The following ATP2B2 variants were observed in gnomAD, a reference collection of about 807,000 sequenced individuals.
ATP2B2 encodes plasma membrane calcium-transporting ATPase 2.
Under a neutral mutation model 120.0 loss-of-function variants are expected in ATP2B2, and 15 were observed. The observed-to-expected ratio is 0.12, with a 90% CI of 0.08 to 0.19. The LOEUF is 0.19. Among genes scored for constraint, ATP2B2 ranks in the 10% least tolerant of loss-of-function variants. ATP2B2 has a pLI of 1.00. For missense variants in ATP2B2, 1,045 were observed against 1,719.8 expected (o/e 0.61, Z 6.94); for synonymous variants, 694 against 700.3 (o/e 0.99, Z 0.14).
chr3:10,333,630 A>T (rs11915910), intron 22 of ATP2B2, among the ~76,000 whole-genome samples: 4 of 152,214 alleles, frequency 2.6e-5, no homozygotes, highest in South Asian at 2.1e-4. Context: ...GGGTTTGGTC[A>T]GGCTCTTTTT....
At chr3:10,705,707 T>A (rs1454020504) in intron 1 of ATP2B2, among the ~76,000 whole-genome samples, 2 of 152,206 alleles carry the variant, frequency 1.3e-5, no homozygotes, top group Non-Finnish European at 2.9e-5. Context: ...TTAAATCAGA[T>A]GAAACCCCAA....
In ATP2B2 at chr3:10,701,453, C is replaced by G. The variant is rs557394310; in HGVS notation, c.-460+6462G>C. On this transcript the variant is annotated intron_variant, in intron 1 of 21. Coordinates refer to the ATP2B2 transcript ENST00000646379. Reference sequence around the variant, plus strand: ...CCATGAGTTTCTGAGAAACACTGAACAGCAATCACTTAGGCAAGGTGGCCT... The same window carrying G: ...CCATGAGTTTCTGAGAAACACTGAAGAGCAATCACTTAGGCAAGGTGGCCT... Among the ~76,000 whole-genome samples the G allele has an allele frequency of 8.5e-5, 13 of 152,286 alleles. No homozygotes were observed. In the South Asian group the frequency reaches 2.7e-3, roughly 32 times the overall value.
chr3:10,566,932 GA>G (rs945395979), intron 2 of ATP2B2, among the ~76,000 whole-genome samples: 3 of 152,148 alleles, frequency 2.0e-5, no homozygotes, highest in African/African-American at 7.2e-5. Flanking sequence ...GTACAAACAG[GA>G]TTTCCACTGA....
Position 10,375,589 on chromosome 3 carries a change from G to A in ATP2B2, c.1257C>T (p.Asp419=). 6.2e-7 allele frequency: 1 copy of A among 1,613,820 alleles called. No individual in the cohort carries two copies. The highest frequency in any genetic ancestry group is 8.5e-7 in the Non-Finnish European group (1 of 1,180,050). ...ACGGCTTCTTGTTGACCACGAAGGTGTCCACAGTGAAGTAGAGCACCAGGA... is the reference window on the plus strand; with the variant it reads ...ACGGCTTCTTGTTGACCACGAAGGTATCCACAGTGAAGTAGAGCACCAGGA... ...VIILVLYFTV[D]TFVVNKKPWL... The change falls in exon 11 of 23, where the codon GAC becomes GAT. Residue 419 remains aspartate (D), a synonymous_variant. Coordinates refer to ENST00000360273, the MANE Select transcript of ATP2B2 (RefSeq NM_001001331.4). This position sits in a 1 kb window ranked among gnomAD's most constrained non-coding sequence, Gnocchi z 4.2.
At chr3:10,551,154 C>T (rs1338883927) in intron 2 of ATP2B2, among the ~76,000 whole-genome samples, 1 of 152,230 alleles carries the variant, frequency 6.6e-6, no homozygotes, top group Non-Finnish European at 1.5e-5. Flanking sequence ...CAAATAACTA[C>T]ACGTATTTTC....
At chr3:10,424,620 T>C (rs1016133729) in intron 2 of ATP2B2, among the ~76,000 whole-genome samples, 1 of 152,204 alleles carries the variant, frequency 6.6e-6, no homozygotes, top group South Asian at 2.1e-4. Flanking sequence ...AAAAGCTACA[T>C]CATTTATAGA....
At chr3:10,350,694 G>A (rs2060555496) in intron 14 of ATP2B2, 117 bp from the exon 15 acceptor site, 1 of 1,101,258 alleles carries the variant, frequency 9.1e-7, no homozygotes, top group Non-Finnish European at 1.3e-6. Context: ...GGGACTAGAT[G>A]ACTATGAGAT....
At chr3:10,583,259 C>T (rs534416085) in intron 2 of ATP2B2, among the ~76,000 whole-genome samples, 1 of 152,316 alleles carries the variant, frequency 6.6e-6, no homozygotes, top group South Asian at 2.1e-4. Flanking sequence ...GTGATGCTTG[C>T]AGTTGCAGTG....
intron 2 of ATP2B2, among the ~76,000 whole-genome samples, chr3:10,425,945 A>G (rs1488538039): frequency 2.6e-5 from 4 of 152,164 alleles, no homozygotes; most frequent in Non-Finnish European, 5.9e-5. Flanking sequence ...CTGCAGGCAG[A>G]GAAAATCCAT....
At chr3:10,473,863 A>G (rs1395683621) in intron 1 of ATP2B2, among the ~76,000 whole-genome samples, 1 of 152,254 alleles carries the variant, frequency 6.6e-6, no homozygotes, top group Non-Finnish European at 1.5e-5. Flanking sequence ...TCAGAGAAGC[A>G]TAAGGGCCAG....
intron 3 of ATP2B2, among the ~76,000 whole-genome samples, chr3:10,513,364 C>T (rs1014817349): frequency 6.6e-6 from 1 of 152,028 alleles, no homozygotes. Flanking sequence ...AAAAGGAGGC[C>T]CGGATGGCTG....
chr3:10,478,271 A>T (rs764825086), intron 1 of ATP2B2, among the ~76,000 whole-genome samples: 2 of 152,130 alleles, frequency 1.3e-5, no homozygotes, highest in Admixed American at 6.5e-5. Flanking sequence ...CTGGATATTA[A>T]TCTTTATCAT....
intron 1 of ATP2B2, among the ~76,000 whole-genome samples, chr3:10,657,357 C>G (rs948380409): frequency 2.6e-5 from 4 of 152,236 alleles, no homozygotes; most frequent in African/African-American, 9.6e-5. Flanking sequence ...AGGGTCACCA[C>G]CCACCCTCAT....
chr3:10,545,589 A>T (rs192293775), intron 2 of ATP2B2, among the ~76,000 whole-genome samples: 2 of 152,154 alleles, frequency 1.3e-5, no homozygotes, highest in African/African-American at 4.8e-5. Flanking sequence ...AAACCCAACC[A>T]TTTTAAGAAA....
chr3:10,367,330 G>A (rs1222701292), intron 12 of ATP2B2, among the ~76,000 whole-genome samples: 2 of 151,908 alleles, frequency 1.3e-5, no homozygotes, highest in African/African-American at 4.8e-5. Context: ...TCTGCCACTT[G>A]GTGGTGAGCA....
chr3:10,517,434 G>C (rs1409094195), intron 3 of ATP2B2, among the ~76,000 whole-genome samples: 2 of 152,182 alleles, frequency 1.3e-5, no homozygotes, highest in African/African-American at 4.8e-5. Context: ...GAGGGGTTGG[G>C]AAAATAGCCA....
chr3:10,514,566 A>G (rs889206344), intron 3 of ATP2B2, among the ~76,000 whole-genome samples: 2 of 152,296 alleles, frequency 1.3e-5, no homozygotes, highest in East Asian at 3.9e-4. Flanking sequence ...TCCATTTTAC[A>G]GATAGGGATC....
chr3:10,476,823 G>A (rs765490219), intron 1 of ATP2B2, among the ~76,000 whole-genome samples: 1 of 152,222 alleles, frequency 6.6e-6, no homozygotes, highest in Non-Finnish European at 1.5e-5. Flanking sequence ...TGGGCAGAGA[G>A]CAGCTAATGC....
chr3:10,528,437 T>C (rs2067144511), intron 3 of ATP2B2, among the ~76,000 whole-genome samples: 1 of 152,112 alleles, frequency 6.6e-6, no homozygotes, highest in African/African-American at 2.4e-5. Flanking sequence ...CCCATGACAC[T>C]CCTTGCTTGT....
Sources: gnomAD v4.1 joint callset for allele counts (sites outside exome capture counted in the v4.1 genomes callset) on GRCh38, gnomAD v4.1.1 for gene constraint, Gnocchi (gnomAD v3.1) non-coding constraint, MANE v1.5 for transcripts, NCBI Gene and HGNC (gene_info 2026-07-23, HGNC 2026-07-21) for gene names.